FRMD4A: variants seen among roughly 807,000 people sequenced by gnomAD.
The protein encoded by FRMD4A is FERM domain containing 4A, also known as FERM domain-containing protein 4A.
Under a neutral mutation model 129.1 loss-of-function variants are expected in FRMD4A, and 29 were observed. That is an observed-to-expected ratio of 0.22 (90% CI 0.17 to 0.31). The LOEUF (loss-of-function observed/expected upper bound fraction) is 0.31. Among genes scored for constraint, FRMD4A ranks in the 10% least tolerant of loss-of-function variants. The pLI is 1.00. For synonymous variants in FRMD4A, 634 were observed against 571.6 expected, an observed-to-expected ratio of 1.11 and a Z score of -1.56; for missense variants, 1,272 against 1,375.8, an observed-to-expected ratio of 0.92 and a Z score of 1.19.
At chr10:14,131,376 TC>T (rs1839241369) in intron 2 of FRMD4A, among the ~76,000 whole-genome samples, 1 of 150,700 alleles carries the variant, frequency 6.6e-6, no homozygotes, top group Admixed American at 6.6e-5. Flanking sequence ...CTGCTTTAGC[TC>T]CTTAGCCCAA....
At chr10:14,277,626 G>A (rs1845386096) in intron 2 of FRMD4A, among the ~76,000 whole-genome samples, 1 of 152,234 alleles carries the variant, frequency 6.6e-6, no homozygotes, top group Non-Finnish European at 1.5e-5. Flanking sequence ...AACAAACCAA[G>A]ACAGAGAAGT....
chr10:14,290,476 G>A (rs918583526), intron 2 of FRMD4A, among the ~76,000 whole-genome samples: 24 of 151,998 alleles, frequency 1.6e-4, no homozygotes, highest in Admixed American at 5.2e-4. Flanking sequence ...TACATACTGG[G>A]GAAGGGACAA....
intron 2 of FRMD4A, among the ~76,000 whole-genome samples, chr10:14,017,524 C>T (rs1175454662): frequency 6.6e-6 from 1 of 152,188 alleles, no homozygotes; most frequent in African/African-American, 2.4e-5. Flanking sequence ...TTTCAGGTGT[C>T]TTAATAAGGA....
chr10:14,203,103 GTC>G (rs1273984331), intron 2 of FRMD4A, among the ~76,000 whole-genome samples: 4 of 152,150 alleles, frequency 2.6e-5, no homozygotes, highest in Non-Finnish European at 5.9e-5. Flanking sequence ...TCAAGTTTAT[GTC>G]TGACACCTCC....
intron 4 of FRMD4A, among the ~76,000 whole-genome samples, chr10:13,805,286 G>A (rs2093340310): frequency 6.6e-6 from 1 of 151,980 alleles, no homozygotes; most frequent in South Asian, 2.1e-4. Context: ...TGGGATTACA[G>A]GTGTGAGTCT....
intron 2 of FRMD4A, among the ~76,000 whole-genome samples, chr10:14,087,814 CAAT>C (rs1836379749): frequency 6.6e-6 from 1 of 152,174 alleles, no homozygotes. Context: ...GAGTAACTTA[CAAT>C]CAGTAATTAA....
At chr10:13,781,604 C>G (rs1045994201) in intron 6 of FRMD4A, among the ~76,000 whole-genome samples, 61 of 152,164 alleles carry the variant, frequency 4.0e-4, no homozygotes, top group Non-Finnish European at 1.3e-4. Flanking sequence ...TCTCAAACTC[C>G]TGACCTCAGG....
At chr10:14,050,357 A>G (rs1416553581) in intron 2 of FRMD4A, among the ~76,000 whole-genome samples, 1 of 152,186 alleles carries the variant, frequency 6.6e-6, no homozygotes, top group Non-Finnish European at 1.5e-5. Context: ...AGATGGTAAA[A>G]CTGAGGCTTA....
At chr10:13,717,078 A>C (rs2088879023) in intron 12 of FRMD4A, among the ~76,000 whole-genome samples, 1 of 152,162 alleles carries the variant, frequency 6.6e-6, no homozygotes, top group African/African-American at 2.4e-5. Flanking sequence ...TGGTTTTTCT[A>C]GCAATGAGCA....
intron 2 of FRMD4A, among the ~76,000 whole-genome samples, chr10:14,124,802 A>G (rs1838739434): frequency 6.6e-6 from 1 of 152,234 alleles, no homozygotes. Flanking sequence ...GATTGTATCC[A>G]GCACTGCATT....
At chr10:13,678,484 T>C (rs2084192223) in intron 15 of FRMD4A, among the ~76,000 whole-genome samples, 1 of 152,266 alleles carries the variant, frequency 6.6e-6, no homozygotes, top group Non-Finnish European at 1.5e-5. Context: ...CTTGGGTAAG[T>C]TACCTGCCCT....
intron 8 of FRMD4A, among the ~76,000 whole-genome samples, chr10:13,753,019 G>A (rs7098871): frequency 0.013 from 2,036 of 152,218 alleles, 80 homozygotes; most frequent in South Asian, 0.12. Context: ...TTCTGAATTC[G>A]TAAACATTGA....
intron 4 of FRMD4A, among the ~76,000 whole-genome samples, chr10:13,805,642 T>A (rs558891390): frequency 1.3e-5 from 2 of 152,304 alleles, no homozygotes; most frequent in South Asian, 4.1e-4. Context: ...GATAACGGGA[T>A]CTTCCATTCC....
At chr10:14,020,609 G>A (rs1300275196) in intron 2 of FRMD4A, among the ~76,000 whole-genome samples, 1 of 152,094 alleles carries the variant, frequency 6.6e-6, no homozygotes, top group Non-Finnish European at 1.5e-5. Context: ...AACCCCATGG[G>A]GCATCAGGCA....
At chr10:13,746,297 G>A (rs549876931) in intron 9 of FRMD4A, among the ~76,000 whole-genome samples, 14 of 151,704 alleles carry the variant, frequency 9.2e-5, no homozygotes, top group South Asian at 2.1e-4. Flanking sequence ...TGCAACCTCC[G>A]ACTCCCAAGT....
chr10:13,750,064 G>A (rs1023913772), intron 8 of FRMD4A, among the ~76,000 whole-genome samples: 9 of 90,602 alleles, frequency 9.9e-5, no homozygotes, highest in Non-Finnish European at 1.1e-4. Flanking sequence ...AAGGAAGGAA[G>A]GAAGGAAGAA....
chr10:13,736,093 A>G (rs980032063), intron 12 of FRMD4A, among the ~76,000 whole-genome samples: 1 of 152,222 alleles, frequency 6.6e-6, no homozygotes. Context: ...CAAAGGTTGC[A>G]GTGAGCCAAG....
At chr10:14,148,279 G>A (rs777418864) in intron 2 of FRMD4A, among the ~76,000 whole-genome samples, 1 of 152,142 alleles carries the variant, frequency 6.6e-6, no homozygotes, top group African/African-American at 2.4e-5. Flanking sequence ...GAGCTCTATG[G>A]AGTTTATATG....
intron 5 of FRMD4A, among the ~76,000 whole-genome samples, chr10:13,790,001 G>A (rs538755336): frequency 6.6e-6 from 1 of 152,202 alleles, no homozygotes; most frequent in African/African-American, 2.4e-5. Context: ...AAGGCCAGAC[G>A]CAGAGATGAA....
Sources: allele counts gnomAD v4.1 joint callset (sites outside exome capture counted in the v4.1 genomes callset), GRCh38; gene constraint gnomAD v4.1.1; transcripts MANE v1.5; gene names NCBI Gene and HGNC (gene_info 2026-07-23, HGNC 2026-07-21).